USP28: variants seen among roughly 807,000 people sequenced by gnomAD.
USP28 encodes ubiquitin specific peptidase 28, also known as ubiquitin carboxyl-terminal hydrolase 28.
USP28 carries 113 observed loss-of-function variants against 145.0 expected under a neutral mutation model. That is an observed-to-expected ratio of 0.78 (90% CI 0.67 to 0.91). The LOEUF is 0.91. Ranked by LOEUF, USP28 falls within the 40% of genes least tolerant of loss-of-function variation. The pLI is 0.00. For synonymous variants in USP28, 447 were observed against 450.9 expected, an observed-to-expected ratio of 0.99 and a Z score of 0.11; for missense variants, 1,201 against 1,289.6, an observed-to-expected ratio of 0.93 and a Z score of 1.05.
intron 10 of USP28, chr11:113,828,846 T>C: frequency 2.0e-6 from 1 of 488,004 alleles, no homozygotes; most frequent in Non-Finnish European, 4.0e-6. Context: ...TGGCATACCA[T>C]AGGAGTTAAT....
At chr11:113,850,566 C>T (rs913474019) in intron 3 of USP28, among the ~76,000 whole-genome samples, 2 of 152,160 alleles carry the variant, frequency 1.3e-5, no homozygotes, top group Non-Finnish European at 2.9e-5. Context: ...GTTAACGGCC[C>T]AAATGTCCAT....
chr11:113,821,023 C>A, intron 12 of USP28: 1 of 207,058 alleles, frequency 4.8e-6, no homozygotes, highest in South Asian at 8.4e-5. Context: ...TGGTGACGTT[C>A]ACTGGGCAAT....
At chr11:113,827,153 C>T in intron 11 of USP28, 80 bp downstream of exon 11, 2 of 1,497,106 alleles carry the variant, frequency 1.3e-6, no homozygotes, top group Non-Finnish European at 8.9e-7. Flanking sequence ...CAGGTGATTC[C>T]TACGCACACT....
intron 24 of USP28, among the ~76,000 whole-genome samples, chr11:113,799,819 T>G (rs945457079): frequency 6.6e-6 from 1 of 152,082 alleles, no homozygotes; most frequent in Admixed American, 6.6e-5. Context: ...TCACTAACAA[T>G]AGCTGATGAG....
intron 11 of USP28, among the ~76,000 whole-genome samples, chr11:113,825,372 G>C (rs1943170931): frequency 6.6e-6 from 1 of 152,188 alleles, no homozygotes; most frequent in South Asian, 2.1e-4. Flanking sequence ...CAAGGATGTA[G>C]AGCAAATGGA....
intron 17 of USP28, 48 bp downstream of exon 17, chr11:113,809,015 C>T (rs1940517207): frequency 1.3e-6 from 2 of 1,581,882 alleles, no homozygotes; most frequent in Non-Finnish European, 1.7e-6. Flanking sequence ...TAGGGGAGTA[C>T]AGCATGAGAT....
At chr11:113,856,974 G>A (rs1372264680) in intron 1 of USP28, among the ~76,000 whole-genome samples, 2 of 152,138 alleles carry the variant, frequency 1.3e-5, no homozygotes, top group Non-Finnish European at 2.9e-5. Context: ...ACTTAGTAGT[G>A]CAATCTGTTC....
chr11:113,860,640 T>A (rs765720212), intron 1 of USP28, among the ~76,000 whole-genome samples: 1 of 150,866 alleles, frequency 6.6e-6, no homozygotes, highest in Admixed American at 6.6e-5. Context: ...TGAAACCCCA[T>A]CTCTACTAAA....
At chr11:113,805,820 G>A (rs1939848291) in intron 19 of USP28, among the ~76,000 whole-genome samples, 2 of 152,188 alleles carry the variant, frequency 1.3e-5, no homozygotes, top group Non-Finnish European at 2.9e-5. Context: ...AGGTGTCACA[G>A]AGAATGTTAC....
intron 7 of USP28, among the ~76,000 whole-genome samples, chr11:113,833,219 C>T (rs1011523909): frequency 5.9e-5 from 9 of 152,158 alleles, no homozygotes; most frequent in South Asian, 2.1e-4. Flanking sequence ...TGCCAGCCCC[C>T]GTGCAACACA....
Position 113,855,312 on chromosome 11 carries a change from G to C in USP28, c.58-977C>G, listed in dbSNP as rs546533781. 1.6e-3 allele frequency among the ~76,000 whole-genome samples: 245 copies of C among 152,178 alleles called. 1 individual carries two copies. The highest frequency in any genetic ancestry group is 2.9e-3 in the Non-Finnish European group (199 of 67,994). On this transcript the variant is annotated intron_variant, in intron 1 of 24. Coordinates refer to ENST00000003302, the Ensembl canonical transcript of USP28. Reference sequence around the variant, plus strand: ...ATCATTTTATCCTGTTTTACACAAAGACAATACAAAACACCGATTTGCAAG... The same window carrying C: ...ATCATTTTATCCTGTTTTACACAAACACAATACAAAACACCGATTTGCAAG...
At chr11:113,850,384 A>C (rs898972117) in intron 3 of USP28, among the ~76,000 whole-genome samples, 5 of 152,240 alleles carry the variant, frequency 3.3e-5, no homozygotes, top group African/African-American at 1.2e-4. Context: ...AATGTGGTAT[A>C]TATTCAGACC....
intron 1 of USP28, among the ~76,000 whole-genome samples, chr11:113,863,417 G>A (rs1396130603): frequency 5.3e-5 from 8 of 152,030 alleles, no homozygotes; most frequent in East Asian, 1.9e-4. Flanking sequence ...AGGCTGAGGC[G>A]GGCAGATTGC....
At chr11:113,813,042 T>C (rs1388541802) in intron 15 of USP28, among the ~76,000 whole-genome samples, 4 of 152,214 alleles carry the variant, frequency 2.6e-5, no homozygotes, top group Admixed American at 1.3e-4. Context: ...GAAAAGCACA[T>C]TTGTGTATTT....
At chr11:113,829,924 C>T (rs1488831853) in intron 9 of USP28, among the ~76,000 whole-genome samples, 1 of 151,706 alleles carries the variant, frequency 6.6e-6, no homozygotes, top group African/African-American at 2.4e-5. Context: ...CCAAAAAAAG[C>T]CTTAGCTAAG....
chr11:113,875,500 A>G (rs1441692886), exon 1 of USP28: 15 of 1,177,594 alleles, frequency 1.3e-5, no homozygotes, highest in Non-Finnish European at 1.4e-5. Flanking sequence ...CTCCGCAGTC[A>G]TGGCCGAGGC....
In USP28 at chr11:113,808,410, AC is replaced by A; in HGVS notation, c.2191del (p.Val731PhefsTer10). The A allele has an allele frequency of 6.2e-7, 1 of 1,614,120 alleles. No homozygotes were observed. The highest frequency in any genetic ancestry group is 2.2e-5 in the East Asian group (1 of 44,870). ...AGCATGCTCAGACGACAAGCAGCGA[AC>A]CCCATGAGAAGAGGCTACTGAAGGC... On this transcript the variant is annotated frameshift_variant, in exon 18 of 25. Coordinates refer to ENST00000003302, the Ensembl canonical transcript of USP28. LOFTEE classifies it high-confidence loss of function.
At chr11:113,800,334 G>A (rs1938758354) in intron 24 of USP28, among the ~76,000 whole-genome samples, 1 of 151,654 alleles carries the variant, frequency 6.6e-6, no homozygotes. Flanking sequence ...TTTAAAGATA[G>A]GGTCTCACTC....
At chr11:113,814,719 A>T (rs1319293874) in intron 14 of USP28, among the ~76,000 whole-genome samples, 1 of 152,018 alleles carries the variant, frequency 6.6e-6, no homozygotes, top group Non-Finnish European at 1.5e-5. Flanking sequence ...ACAGGGCACT[A>T]AAAGTGCAAA....
Sources: allele counts gnomAD v4.1 joint callset (sites outside exome capture counted in the v4.1 genomes callset), GRCh38; gene constraint gnomAD v4.1.1; transcripts MANE v1.5; gene names NCBI Gene and HGNC (gene_info 2026-07-23, HGNC 2026-07-21).